ADGRB3: variants seen among roughly 807,000 people sequenced by gnomAD.
ADGRB3 encodes adhesion G protein-coupled receptor B3.
In ADGRB3, 37 loss-of-function variants were observed where a neutral mutation model predicts 193.4. That is an observed-to-expected ratio of 0.19 (90% CI 0.15 to 0.25). The LOEUF (loss-of-function observed/expected upper bound fraction) is 0.25, where lower values mean the gene tolerates loss of function less well. ADGRB3 is among the 10% of genes least tolerant of loss of function. The probability of loss-of-function intolerance (pLI) is 1.00; values close to 1 mark genes in which losing one functional copy is unlikely to be tolerated. For synonymous variants in ADGRB3, 690 were observed against 644.2 expected (o/e 1.07, Z -1.08); for missense variants, 1,637 against 1,852.9 (o/e 0.88, Z 2.14).
chr6:69,190,030 A>G (rs1040515154), intron 17 of ADGRB3, among the ~76,000 whole-genome samples: 1 of 152,212 alleles, frequency 6.6e-6, no homozygotes, highest in Admixed American at 6.5e-5. Flanking sequence ...TGCCTTTCAT[A>G]TAAAGTAGAG....
chr6:69,044,643 A>G (rs1317625026), intron 13 of ADGRB3, among the ~76,000 whole-genome samples: 3 of 152,208 alleles, frequency 2.0e-5, no homozygotes, highest in African/African-American at 7.2e-5. Context: ...GCCTATCCAA[A>G]TTCAAAATGA....
chr6:69,048,548 A>T (rs1389818098), intron 14 of ADGRB3, among the ~76,000 whole-genome samples: 1 of 152,162 alleles, frequency 6.6e-6, no homozygotes. Flanking sequence ...TGAAAAATAT[A>T]CAAGTGCAAA....
chr6:69,044,188 C>T (rs1366208396), intron 13 of ADGRB3, among the ~76,000 whole-genome samples: 1 of 152,212 alleles, frequency 6.6e-6, no homozygotes, highest in African/African-American at 2.4e-5. Flanking sequence ...CTAGTGACCA[C>T]TGTTCTTATA....
intron 20 of ADGRB3, among the ~76,000 whole-genome samples, chr6:69,306,659 T>C (rs1261400696): frequency 1.3e-5 from 2 of 151,576 alleles, no homozygotes; most frequent in Non-Finnish European, 2.9e-5. Flanking sequence ...TCATACTCAC[T>C]ACCTAATTCT....
chr6:69,150,563 G>A (rs1774644670), intron 17 of ADGRB3, among the ~76,000 whole-genome samples: 1 of 152,204 alleles, frequency 6.6e-6, no homozygotes, highest in Non-Finnish European at 1.5e-5. Flanking sequence ...GCCAAGGCCT[G>A]GAACTGGGGA....
chr6:68,947,765 G>C (rs1767812426), intron 6 of ADGRB3, among the ~76,000 whole-genome samples: 1 of 152,040 alleles, frequency 6.6e-6, no homozygotes, highest in Non-Finnish European at 1.5e-5. Context: ...TATTGTAATG[G>C]GGTGGACTTT....
rs186592438 is a variant in ADGRB3, at chr6:68,911,024, C to A, written c.758-19535C>A. 8.8e-4 allele frequency among the ~76,000 whole-genome samples: 134 copies of A among 151,980 alleles called. 1 individual carries two copies. Among genetic ancestry groups the A allele is most frequent in the African/African-American group, 2.9e-3 (121 of 41,468 alleles). ...TATGGCCATTTTCATGATATTGATT[C>A]TTCCTACCCATGAGCATGGAATGTT... On this transcript the variant is annotated intron_variant, in intron 3 of 31. Transcript: ENST00000370598.
intron 3 of ADGRB3, among the ~76,000 whole-genome samples, chr6:68,841,406 T>G (rs1768156544): frequency 6.6e-6 from 1 of 152,116 alleles, no homozygotes; most frequent in Admixed American, 6.5e-5. Flanking sequence ...AGGTACCTTC[T>G]CTGGCCACAA....
At position 69,388,762 on chromosome 6, in the gene ADGRB3, G is replaced by T. The variant is rs372475812; in HGVS notation, c.4440G>T (p.Pro1480=). 2 of 1,613,378 alleles carry T rather than the reference G, an allele frequency of 1.2e-6. No individual in the cohort carries two copies. The change falls in exon 32 of 32, where the codon CCG becomes CCT. Residue 1480 remains proline, a synonymous_variant. Coordinates refer to ENST00000370598, the MANE Select transcript of ADGRB3 (RefSeq NM_001704.3). ...WDTFKNPSEY[P]HYTTINVLDT... ...CTTTCAAAAACCCCAGTGAATACCCGCATTACACCACAATCAATGTCTTAG... is the reference window on the plus strand; with the variant it reads ...CTTTCAAAAACCCCAGTGAATACCCTCATTACACCACAATCAATGTCTTAG...
chr6:68,727,997 A>C (rs1765704123), intron 3 of ADGRB3, among the ~76,000 whole-genome samples: 1 of 151,430 alleles, frequency 6.6e-6, no homozygotes, highest in African/African-American at 2.4e-5. Context: ...GCTTAATATA[A>C]ATTTCTTCTG....
At chr6:68,908,058 G>T (rs956351345) in intron 3 of ADGRB3, among the ~76,000 whole-genome samples, 2 of 151,574 alleles carry the variant, frequency 1.3e-5, no homozygotes, top group African/African-American at 2.4e-5. Flanking sequence ...AGTTCGATGA[G>T]ATCTTAATAT....
intron 3 of ADGRB3, among the ~76,000 whole-genome samples, chr6:68,676,389 CAAAAAAAAAAAAAA>C (rs70987431): frequency 1.2e-5 from 1 of 84,638 alleles, no homozygotes; most frequent in East Asian, 2.8e-4. Context: ...GACTCTGTCT[CAAAAAAAAAAAAAA>C]AAAAAAAAGA....
chr6:69,301,278 C>A (rs1288841408), intron 20 of ADGRB3, among the ~76,000 whole-genome samples: 1 of 151,766 alleles, frequency 6.6e-6, no homozygotes, highest in Non-Finnish European at 1.5e-5. Context: ...CATACAAACA[C>A]AGATTATATT....
intron 3 of ADGRB3, among the ~76,000 whole-genome samples, chr6:68,820,774 G>A (rs758914096): frequency 3.3e-5 from 5 of 151,880 alleles, no homozygotes; most frequent in African/African-American, 4.8e-5. Flanking sequence ...CTACTTGTCC[G>A]CTTATTTAAC....
chr6:68,913,285 A>C (rs7749284), intron 3 of ADGRB3, among the ~76,000 whole-genome samples: 50,279 of 151,616 alleles, frequency 0.33, 8,415 homozygotes, highest in South Asian at 0.39. Flanking sequence ...CCTAACTGGG[A>C]GGCACCCCCC....
At chr6:69,032,362 G>C (rs1770738748) in intron 13 of ADGRB3, among the ~76,000 whole-genome samples, 1 of 152,130 alleles carries the variant, frequency 6.6e-6, no homozygotes, top group African/African-American at 2.4e-5. Context: ...GCAATGATTT[G>C]AAATTAGTAA....
intron 3 of ADGRB3, among the ~76,000 whole-genome samples, chr6:68,755,666 T>A (rs1766286699): frequency 6.6e-6 from 1 of 152,174 alleles, no homozygotes; most frequent in South Asian, 2.1e-4. Flanking sequence ...TGTAACATTC[T>A]GTATTTGAAG....
At chr6:68,711,217 G>A (rs888467580) in intron 3 of ADGRB3, among the ~76,000 whole-genome samples, 2 of 151,958 alleles carry the variant, frequency 1.3e-5, no homozygotes, top group African/African-American at 4.8e-5. Context: ...TACCAAGAGC[G>A]TGACCTGCTT....
chr6:68,756,520 G>T (rs543988827), intron 3 of ADGRB3, among the ~76,000 whole-genome samples: 112 of 152,036 alleles, frequency 7.4e-4, no homozygotes, highest in Non-Finnish European at 1.1e-3. Context: ...TCTTATTTTT[G>T]AAAATCTGTT....
Sources: gnomAD v4.1 joint callset for allele counts (sites outside exome capture counted in the v4.1 genomes callset) on GRCh38, gnomAD v4.1.1 for gene constraint, MANE v1.5 for transcripts, NCBI Gene and HGNC (gene_info 2026-07-23, HGNC 2026-07-21) for gene names.